The following CTNNA3 variants were observed in gnomAD, a reference collection of about 807,000 sequenced individuals.
CTNNA3 encodes the protein catenin alpha-3.
Under a neutral mutation model 95.7 loss-of-function variants are expected in CTNNA3, and 76 were observed. That is an observed-to-expected ratio of 0.79 (90% CI 0.66 to 0.96). The LOEUF (loss-of-function observed/expected upper bound fraction) is 0.96, where lower values mean the gene tolerates loss of function less well. Among genes scored for constraint, CTNNA3 ranks in the 40% least tolerant of loss-of-function variants. CTNNA3 has a pLI of 0.00. For synonymous variants in CTNNA3, 431 were observed against 374.4 expected (o/e 1.15, Z -1.74); for missense variants, 1,191 against 1,089.8 (o/e 1.09, Z -1.31).
At chr10:66,587,895 C>T (rs969033717) in intron 10 of CTNNA3, among the ~76,000 whole-genome samples, 1 of 152,154 alleles carries the variant, frequency 6.6e-6, no homozygotes, top group Non-Finnish European at 1.5e-5. Flanking sequence ...CCAGCTCCTG[C>T]GCCCATGGCT....
chr10:67,283,047 G>T (rs1246107820), intron 5 of CTNNA3, among the ~76,000 whole-genome samples: 1 of 152,170 alleles, frequency 6.6e-6, no homozygotes, highest in African/African-American at 2.4e-5. Context: ...CCCACACCCA[G>T]AAGGAAGGAC....
At chr10:66,751,977 C>G (rs1456922647) in intron 9 of CTNNA3, among the ~76,000 whole-genome samples, 1 of 151,976 alleles carries the variant, frequency 6.6e-6, no homozygotes, top group African/African-American at 2.4e-5. Flanking sequence ...AGAGATATAC[C>G]ATGTTTGTGG....
chr10:66,896,054 G>A lies in CTNNA3; in HGVS notation c.1048-120530C>T, dbSNP rs868444562. On this transcript the variant is annotated intron_variant, in intron 7 of 17. Coordinates refer to ENST00000433211, the MANE Select transcript of CTNNA3 (RefSeq NM_013266.4). Reference sequence around the variant, plus strand: ...GGAGGTTGTGGTGAGCCGAGATTGCGCCATTGCACTCCAGCCTGGGCAACA... The same window carrying A: ...GGAGGTTGTGGTGAGCCGAGATTGCACCATTGCACTCCAGCCTGGGCAACA... 5.9e-5 allele frequency among the ~76,000 whole-genome samples: 9 copies of A among 152,004 alleles called. No homozygotes were observed. The South Asian group carries it at 6.2e-4, about 11-fold the overall frequency.
chr10:66,114,151 T>C (rs889285396), intron 13 of CTNNA3, among the ~76,000 whole-genome samples: 5 of 152,196 alleles, frequency 3.3e-5, no homozygotes, highest in Non-Finnish European at 5.9e-5. Context: ...CTCACCTTTT[T>C]CATCAAACTC....
At chr10:67,593,244 T>C (rs1398561703) in intron 3 of CTNNA3, among the ~76,000 whole-genome samples, 9 of 152,170 alleles carry the variant, frequency 5.9e-5, no homozygotes, top group Admixed American at 5.9e-4. Flanking sequence ...GTTGACTCCA[T>C]GTCATTGCTA....
intron 5 of CTNNA3, among the ~76,000 whole-genome samples, chr10:67,238,837 C>T (rs1262659413): frequency 2.0e-5 from 3 of 151,992 alleles, no homozygotes; most frequent in African/African-American, 7.2e-5. Flanking sequence ...CTCTTGAATG[C>T]AAGTACTATG....
chr10:66,799,188 C>T (rs1231371504), intron 7 of CTNNA3, among the ~76,000 whole-genome samples: 3 of 151,198 alleles, frequency 2.0e-5, no homozygotes, highest in Non-Finnish European at 4.4e-5. Context: ...ATATATGATC[C>T]ACTGTGAATA....
intron 17 of CTNNA3, among the ~76,000 whole-genome samples, chr10:65,963,803 T>C (rs1299953642): frequency 9.8e-5 from 15 of 152,302 alleles, no homozygotes; most frequent in Non-Finnish European, 1.5e-5. Context: ...GCTTGCAATA[T>C]AGATGTAAGA....
intron 7 of CTNNA3, among the ~76,000 whole-genome samples, chr10:66,993,874 T>C (rs1257611565): frequency 1.3e-5 from 2 of 152,180 alleles, no homozygotes; most frequent in East Asian, 3.9e-4. Flanking sequence ...TCTTATCCGA[T>C]TTATTCTTAG....
intron 1 of CTNNA3, among the ~76,000 whole-genome samples, chr10:67,727,863 T>C (rs1279483415): frequency 3.7e-4 from 48 of 130,724 alleles, no homozygotes; most frequent in Non-Finnish European, 5.4e-4. Context: ...TATTATATTA[T>C]GTATAATATA....
At chr10:66,665,355 T>TC (rs1374394933) in intron 9 of CTNNA3, among the ~76,000 whole-genome samples, 1 of 152,192 alleles carries the variant, frequency 6.6e-6, no homozygotes, top group Non-Finnish European at 1.5e-5. Flanking sequence ...AGAAATCAAG[T>TC]CAACACATAA....
Position 67,121,196 on chromosome 10 carries a change from C to T in CTNNA3, c.1047+59121G>A, listed in dbSNP as rs146435815. 1.0e-3 allele frequency among the ~76,000 whole-genome samples: 158 copies of T among 152,098 alleles called. 1 individual carries two copies. In the East Asian group the frequency reaches 0.026, roughly 25 times the overall value. On this transcript the variant is annotated intron_variant, in intron 7 of 17. Transcript: ENST00000433211. ...ATAAAGCTACATAAAAACCATCTTC[C>T]GTATTGCAGATTATTTTTGACCAAT...
chr10:67,638,183 T>C (rs1174078595), intron 2 of CTNNA3, among the ~76,000 whole-genome samples: 1 of 151,506 alleles, frequency 6.6e-6, no homozygotes, highest in Non-Finnish European at 1.5e-5. Flanking sequence ...ACCAAGCAAA[T>C]GGAAAACAAA....
At chr10:67,290,848 A>G (rs1386896785) in intron 5 of CTNNA3, among the ~76,000 whole-genome samples, 1 of 152,206 alleles carries the variant, frequency 6.6e-6, no homozygotes, top group Non-Finnish European at 1.5e-5. Flanking sequence ...AACCCCTCGC[A>G]GCTATACATC....
chr10:67,438,790 C>T (rs1433318919), intron 5 of CTNNA3, among the ~76,000 whole-genome samples: 1 of 152,166 alleles, frequency 6.6e-6, no homozygotes, highest in Non-Finnish European at 1.5e-5. Flanking sequence ...GAAGATTGAA[C>T]TTATGCCCTG....
intron 10 of CTNNA3, among the ~76,000 whole-genome samples, chr10:66,576,803 GC>G (rs1843016944): frequency 6.6e-6 from 1 of 151,760 alleles, no homozygotes; most frequent in Non-Finnish European, 1.5e-5. Context: ...ATGAGTGCAT[GC>G]ATCTTTTTGG....
At chr10:67,523,919 A>C (rs901910404) in intron 4 of CTNNA3, among the ~76,000 whole-genome samples, 2 of 152,248 alleles carry the variant, frequency 1.3e-5, no homozygotes, top group African/African-American at 4.8e-5. Context: ...AAGTAATTTT[A>C]TCTATGATTT....
intron 7 of CTNNA3, among the ~76,000 whole-genome samples, chr10:67,118,420 C>T (rs1166025338): frequency 6.6e-6 from 1 of 151,956 alleles, no homozygotes; most frequent in Non-Finnish European, 1.5e-5. Flanking sequence ...GCCCTTCTCA[C>T]TTCTGCTTTG....
Position 67,302,010 on chromosome 10 carries a change from A to AAAGAACGAAAGAAC in CTNNA3, c.580-82141_580-82140insGTTCTTTCGTTCTT, listed in dbSNP as rs1564548218. Among the ~76,000 whole-genome samples the AAAGAACGAAAGAAC allele has an allele frequency of 5.1e-4, 8 of 15,550 alleles. 1 individual carries two copies. Among genetic ancestry groups the AAAGAACGAAAGAAC allele is most frequent in the African/African-American group, 3.1e-3 (8 of 2,558 alleles). 10.2% of individuals were successfully genotyped at this position (15,550 alleles called of 152,430 possible). A position where few individuals can be genotyped will look rare whatever the true frequency, so the allele number is the denominator to read the frequency against. ...AAGAAAGAACGAAAGAACGAAAGAA[A>AAAGAACGAAAGAAC]GAAAGAAAGAAAGAAAGAAAGAAAG... On this transcript the variant is annotated intron_variant, in intron 5 of 17. Transcript: ENST00000433211.
Sources: allele counts gnomAD v4.1 joint callset (sites outside exome capture counted in the v4.1 genomes callset), GRCh38; gene constraint gnomAD v4.1.1; transcripts MANE v1.5; gene names NCBI Gene and HGNC (gene_info 2026-07-23, HGNC 2026-07-21).